The following PID1 variants were observed in gnomAD, a reference collection of about 807,000 sequenced individuals.
The protein encoded by PID1 is PTB-containing, cubilin and LRP1-interacting protein.
A neutral mutation model predicts 19.1 loss-of-function variants in PID1; 10 were observed. The observed-to-expected ratio is 0.52, with a 90% CI of 0.32 to 0.89. The LOEUF is 0.89. Ranked by LOEUF, PID1 falls within the 40% of genes least tolerant of loss-of-function variation. The probability of loss-of-function intolerance (pLI) is 0.03; values close to 1 mark genes in which losing one functional copy is unlikely to be tolerated. For missense variants in PID1, 248 were observed against 285.3 expected, an observed-to-expected ratio of 0.87 and a Z score of 0.94; for synonymous variants, 130 against 116.0, an observed-to-expected ratio of 1.12 and a Z score of -0.78.
intron 2 of PID1, among the ~76,000 whole-genome samples, chr2:229,070,419 C>A (rs1694427959): frequency 6.6e-6 from 1 of 152,158 alleles, no homozygotes; most frequent in African/African-American, 2.4e-5. Flanking sequence ...ATGTAAAGGG[C>A]TCAATATGAT....
At chr2:229,239,005 C>T (rs753574946) in intron 1 of PID1, among the ~76,000 whole-genome samples, 2 of 151,902 alleles carry the variant, frequency 1.3e-5, no homozygotes, top group East Asian at 1.9e-4. Flanking sequence ...TTCAACACCC[C>T]GCTACTATCA....
chr2:229,228,834 T>C (rs989767933), intron 1 of PID1, among the ~76,000 whole-genome samples: 2 of 152,188 alleles, frequency 1.3e-5, no homozygotes, highest in Non-Finnish European at 2.9e-5. Context: ...GTTCCTAAAA[T>C]CCCACCATAA....
At chr2:229,200,383 A>G (rs949956602) in intron 1 of PID1, among the ~76,000 whole-genome samples, 3 of 151,952 alleles carry the variant, frequency 2.0e-5, no homozygotes, top group Non-Finnish European at 4.4e-5. Context: ...GGCACTGAAA[A>G]AACAGTATGT....
At chr2:229,127,543 C>T (rs1286190572) in intron 2 of PID1, among the ~76,000 whole-genome samples, 1 of 152,142 alleles carries the variant, frequency 6.6e-6, no homozygotes, top group South Asian at 2.1e-4. Context: ...TGAAGGGGTG[C>T]TTTTTCTCTA....
At chr2:229,129,616 G>A (rs138099251) in intron 2 of PID1, among the ~76,000 whole-genome samples, 170 of 152,250 alleles carry the variant, frequency 1.1e-3, no homozygotes, top group African/African-American at 4.0e-3. Context: ...AAATTGCTTA[G>A]AAAGCATTTA....
intron 1 of PID1, among the ~76,000 whole-genome samples, chr2:229,253,025 T>C (rs758103726): frequency 6.6e-6 from 1 of 152,208 alleles, no homozygotes; most frequent in Non-Finnish European, 1.5e-5. Context: ...ACTGGGGAAC[T>C]ATATTCTCTA....
At chr2:229,043,787 G>C (rs1266626358) in intron 2 of PID1, among the ~76,000 whole-genome samples, 2 of 152,216 alleles carry the variant, frequency 1.3e-5, no homozygotes, top group Non-Finnish European at 2.9e-5. Flanking sequence ...TTCAGAAGGA[G>C]AGAGCCATGC....
chr2:229,228,160 G>C (rs1351747239), intron 1 of PID1: 2 of 419,350 alleles, frequency 4.8e-6, no homozygotes, highest in Non-Finnish European at 9.7e-6. Flanking sequence ...GATCTTTGTG[G>C]AGCAAATAAA....
chr2:229,026,163 T>G, intron 2 of PID1, 55 bp from the exon 3 acceptor site: 1 of 1,201,470 alleles, frequency 8.3e-7, no homozygotes, highest in South Asian at 1.3e-5. Context: ...CTCTTTGTTC[T>G]GATAGACTGA....
chr2:229,248,083 C>G (rs1209067027), intron 1 of PID1, among the ~76,000 whole-genome samples: 3 of 152,112 alleles, frequency 2.0e-5, no homozygotes, highest in African/African-American at 7.2e-5. Context: ...CTAAATATAT[C>G]AGTATATATT....
At chr2:229,140,388 C>T (rs371631325) in intron 2 of PID1, among the ~76,000 whole-genome samples, 4 of 152,052 alleles carry the variant, frequency 2.6e-5, no homozygotes, top group African/African-American at 7.2e-5. Context: ...AGTCCACATT[C>T]GCTCACTGCA....
chr2:229,156,079 G>A (rs767859084), intron 1 of PID1, 115 bp from the exon 2 acceptor site: 8 of 857,456 alleles, frequency 9.3e-6, no homozygotes, highest in Non-Finnish European at 1.4e-5. Flanking sequence ...TATTAGGGGA[G>A]GCCAAGAGAT....
chr2:229,231,929 TC>T, intron 1 of PID1: 1 of 1,550,414 alleles, frequency 6.4e-7, no homozygotes, highest in South Asian at 1.2e-5. Flanking sequence ...TTCTCACCGT[TC>T]CGGAGGCTAG....
intron 2 of PID1, among the ~76,000 whole-genome samples, chr2:229,139,026 A>AGAAAGAAG (rs1559251274): frequency 1.2e-5 from 1 of 86,136 alleles, no homozygotes. Flanking sequence ...AAAGAAAGAA[A>AGAAAGAAG]GAAAGAAAGA....
intron 2 of PID1, among the ~76,000 whole-genome samples, chr2:229,088,130 G>T (rs1004726672): frequency 6.6e-6 from 1 of 152,080 alleles, no homozygotes; most frequent in Non-Finnish European, 1.5e-5. Flanking sequence ...CTCACAAATA[G>T]GTTTGAGAGT....
chr2:229,048,583 C>T (rs6436829), intron 2 of PID1, among the ~76,000 whole-genome samples: 79,364 of 151,948 alleles, frequency 0.52, 21,485 homozygotes, highest in East Asian at 0.67. Context: ...GCACTAACCA[C>T]GGCAGGAAGG....
At chr2:229,193,408 T>C (rs9288641) in intron 1 of PID1, among the ~76,000 whole-genome samples, 152,039 of 152,278 alleles carry the variant, frequency 1, 75,901 homozygotes, top group Non-Finnish European at 1. Flanking sequence ...TGTTCTGAGC[T>C]AACATCAGTC....
intron 1 of PID1, chr2:229,262,575 C>T (rs1690487526): frequency 1.3e-5 from 18 of 1,432,520 alleles, no homozygotes; most frequent in Non-Finnish European, 1.7e-5. Context: ...AGTGACCAAA[C>T]ATAGTCAAGA....
chr2:229,033,033 G>T (rs1693588411), intron 2 of PID1, among the ~76,000 whole-genome samples: 1 of 152,092 alleles, frequency 6.6e-6, no homozygotes, highest in African/African-American at 2.4e-5. Flanking sequence ...ACCATTCCCT[G>T]CTCATCTGTG....
Sources: allele counts gnomAD v4.1 joint callset (sites outside exome capture counted in the v4.1 genomes callset), GRCh38; gene constraint gnomAD v4.1.1; transcripts MANE v1.5; gene names NCBI Gene and HGNC (gene_info 2026-07-23, HGNC 2026-07-21).